Variants in WDFY4 observed in about 807,000 individuals in gnomAD.
WDFY4 encodes the protein WD repeat- and FYVE domain-containing protein 4.
WDFY4 carries 169 observed loss-of-function variants against 351.9 expected under a neutral mutation model. The observed-to-expected ratio is 0.48, with a 90% CI of 0.42 to 0.55. The LOEUF is 0.55. WDFY4 is among the 20% of genes least tolerant of loss of function. The pLI, the probability that WDFY4 is intolerant of heterozygous loss-of-function variation, is 0.00. For missense variants in WDFY4, 3,803 were observed against 3,935.6 expected (o/e 0.97, Z 0.90); for synonymous variants, 1,622 against 1,574.6 (o/e 1.03, Z -0.71).
intron 46 of WDFY4, among the ~76,000 whole-genome samples, chr10:48,900,906 AC>A (rs1171685088): frequency 6.6e-6 from 1 of 152,230 alleles, no homozygotes; most frequent in Non-Finnish European, 1.5e-5. Flanking sequence ...TCTAGAAAGA[AC>A]AGAAAGGAAG....
At chr10:48,689,044 C>T (rs2063129440) in intron 1 of WDFY4, among the ~76,000 whole-genome samples, 1 of 152,030 alleles carries the variant, frequency 6.6e-6, no homozygotes, top group Non-Finnish European at 1.5e-5. Flanking sequence ...TCCACCCCCA[C>T]CCCAGTGAAC....
Position 48,785,364 on chromosome 10 carries a change from G to A in WDFY4, c.3577-1275G>A, listed in dbSNP as rs374697658. On this transcript the variant is annotated intron_variant, in intron 19 of 61. Transcript: ENST00000325239. ...GGTTTTGCTGAAATATAATTCATTA[G>A]TTTTTCCTTATATGACTCATGCTTT... 3.3e-5 allele frequency among the ~76,000 whole-genome samples: 5 copies of A among 151,968 alleles called. No individual in the cohort carries two copies. The East Asian group carries it at 7.7e-4, about 23-fold the overall frequency.
intron 11 of WDFY4, among the ~76,000 whole-genome samples, chr10:48,742,044 C>A (rs911361228): frequency 2.0e-5 from 3 of 152,102 alleles, no homozygotes; most frequent in African/African-American, 7.2e-5. Context: ...TGTAGCCCCC[C>A]CTCCCTCTCT....
Position 48,760,373 on chromosome 10 carries a change from T to C in WDFY4, c.2486T>C (p.Met829Thr), listed in dbSNP as rs1290678643. The change falls in exon 13 of 62, where the codon ATG (methionine) becomes ACG (threonine). Residue 829 changes from methionine (M) to threonine (T), a missense_variant. Transcript: ENST00000325239. ...ATGGATGAGGGAGATGCTGCAATCA[T>C]GCATCCCGGGGTCGTGTGCATCATG... ...ERMDEGDAAI[M>T]HPGVVCIMVR... 2 of 1,551,668 alleles carry C rather than the reference T, an allele frequency of 1.3e-6. No individual in the cohort carries two copies. The highest frequency in any genetic ancestry group is 1.7e-6 in the Non-Finnish European group (2 of 1,146,986).
Position 48,826,604 on chromosome 10 carries a change from G to T in WDFY4, c.5983-67G>T, listed in dbSNP as rs145105805. ...GATTATACTATTTTTGTGGTAAACTGGATCTGTATCTAAAATTGTAAAGCA... is the reference window on the plus strand; with the variant it reads ...GATTATACTATTTTTGTGGTAAACTTGATCTGTATCTAAAATTGTAAAGCA... On this transcript the variant is annotated intron_variant, in intron 35 of 61. Coordinates refer to ENST00000325239, the MANE Select transcript of WDFY4 (RefSeq NM_001394531.1). 2.9e-4 allele frequency: 358 copies of T among 1,240,198 alleles called. 1 individual carries two copies. The African/African-American group carries it at 4.3e-3, about 15-fold the overall frequency. The allele number at this position is 1,240,198 out of a possible 1,614,324, so 76.8% of individuals were successfully genotyped here.
In WDFY4 at chr10:48,711,842, A is replaced by G. The variant is rs188265953; in HGVS notation, c.234+1876A>G. Reference sequence around the variant, plus strand: ...TTTTTTCAAAATGGAAAGTTTTCATATGAAAATCAGATTTCTAATTTATCT... The same window carrying G: ...TTTTTTCAAAATGGAAAGTTTTCATGTGAAAATCAGATTTCTAATTTATCT... On this transcript the variant is annotated intron_variant, in intron 2 of 61. Transcript: ENST00000325239. Among the ~76,000 whole-genome samples, 60 of 152,336 alleles carry G rather than the reference A, an allele frequency of 3.9e-4. 1 individual carries two copies. Among genetic ancestry groups the G allele is most frequent in the Admixed American group, 3.7e-3 (57 of 15,302 alleles).
rs950030484 is a variant in WDFY4 at position 48,786,706 on chromosome 10, A to T, written c.3644A>T (p.Tyr1215Phe). 6.4e-7 allele frequency: 1 copy of T among 1,552,124 alleles called. No homozygotes were observed. The highest frequency in any genetic ancestry group is 1.4e-5 in the African/African-American group (1 of 73,022). Residue 1215 changes from tyrosine to phenylalanine, a missense_variant, in exon 20 of 62, where the codon TAT (tyrosine) becomes TTT (phenylalanine). By Grantham distance (22) the Tyr-to-Phe change is conservative. Coordinates refer to ENST00000325239, the MANE Select transcript of WDFY4 (RefSeq NM_001394531.1). ...GATCCATCCGCATTTGTGGATGTTT[A>T]TGGATATATTGCTACTCCTCGAGTC... ...SMDPSAFVDV[Y>F]GYIATPRVWK...
At chr10:48,692,373 C>T (rs1407005608) in intron 1 of WDFY4, among the ~76,000 whole-genome samples, 2 of 152,224 alleles carry the variant, frequency 1.3e-5, no homozygotes, top group African/African-American at 4.8e-5. Flanking sequence ...TACACCTCTG[C>T]CAGTGGGCGG....
intron 43 of WDFY4, among the ~76,000 whole-genome samples, chr10:48,877,405 T>A (rs2070063466): frequency 6.6e-6 from 1 of 152,168 alleles, no homozygotes; most frequent in South Asian, 2.1e-4. Context: ...AGTCTATACA[T>A]CCTGCATCAA....
intron 24 of WDFY4, among the ~76,000 whole-genome samples, 184 bp from the exon 25 acceptor site, chr10:48,803,102 C>T (rs1441542728): frequency 6.6e-6 from 1 of 152,154 alleles, no homozygotes; most frequent in African/African-American, 2.4e-5. Flanking sequence ...AGAAGGCCTT[C>T]CTACAGGGGA....
At chr10:48,866,507 C>A (rs952601312) in intron 39 of WDFY4, among the ~76,000 whole-genome samples, 2 of 152,134 alleles carry the variant, frequency 1.3e-5, no homozygotes, top group African/African-American at 4.8e-5. Context: ...AGCTTCTCAT[C>A]CTTTTGAGCT....
chr10:48,717,331 A>T (rs2063941585), intron 2 of WDFY4, among the ~76,000 whole-genome samples: 1 of 152,212 alleles, frequency 6.6e-6, no homozygotes, highest in Non-Finnish European at 1.5e-5. Flanking sequence ...GTTTTAGCAA[A>T]GTTCTAACCC....
At chr10:48,834,798 C>A (rs2068324562) in intron 39 of WDFY4, among the ~76,000 whole-genome samples, 1 of 152,234 alleles carries the variant, frequency 6.6e-6, no homozygotes. Flanking sequence ...CTTGCCAATG[C>A]CCTTCTCCCT....
At chr10:48,882,151 G>A (rs1438672398) in intron 43 of WDFY4, among the ~76,000 whole-genome samples, 1 of 152,152 alleles carries the variant, frequency 6.6e-6, no homozygotes, top group Non-Finnish European at 1.5e-5. Context: ...CTGCTCACAT[G>A]CCTTAGGACC....
rs544075068 is a variant in WDFY4, at chr10:48,721,519, A to T, written c.456+152A>T. 8.5e-5 allele frequency among the ~76,000 whole-genome samples: 13 copies of T among 152,056 alleles called. No homozygotes were observed. The East Asian group carries it at 1.9e-3, about 23-fold the overall frequency. On this transcript the variant is annotated intron_variant, in intron 4 of 61. Transcript: ENST00000325239. ...CTCCCTCCTCCCCTTCTGGTGTAGA[A>T]CATGGACTTCAGAGTCTGAAATTCC...
At chr10:48,849,642 A>G (rs1025391779) in intron 39 of WDFY4, among the ~76,000 whole-genome samples, 4 of 152,214 alleles carry the variant, frequency 2.6e-5, no homozygotes, top group Non-Finnish European at 4.4e-5. Flanking sequence ...TTAGAAAATC[A>G]TTTTTAATTT....
chr10:48,804,385 A>T (rs1324806287), intron 25 of WDFY4, among the ~76,000 whole-genome samples: 5 of 152,180 alleles, frequency 3.3e-5, no homozygotes, highest in African/African-American at 1.2e-4. Context: ...ACAGAAAAAC[A>T]TGTTGTTCAG....
At chr10:48,933,280 T>C (rs947432788) in intron 47 of WDFY4, among the ~76,000 whole-genome samples, 1 of 152,172 alleles carries the variant, frequency 6.6e-6, no homozygotes, top group African/African-American at 2.4e-5. Flanking sequence ...CAGCACAAAG[T>C]CTAAGTGCCT....
chr10:48,779,894 G>T (rs1477531327), intron 18 of WDFY4, 47 bp from the exon 19 acceptor site: 11 of 1,546,294 alleles, frequency 7.1e-6, no homozygotes, highest in Non-Finnish European at 9.6e-6. Flanking sequence ...CTGGGTTCCT[G>T]CAGTGTAGCA....
Sources: gnomAD v4.1 joint callset for allele counts (sites outside exome capture counted in the v4.1 genomes callset) on GRCh38, gnomAD v4.1.1 for gene constraint, MANE v1.5 for transcripts, NCBI Gene and HGNC (gene_info 2026-07-23, HGNC 2026-07-21) for gene names.